Variants in NDUFS4 observed in about 807,000 individuals in gnomAD.
The protein encoded by NDUFS4 is NADH:ubiquinone oxidoreductase subunit S4, also known as NADH dehydrogenase [ubiquinone] iron-sulfur protein 4, mitochondrial.
A neutral mutation model predicts 24.3 loss-of-function variants in NDUFS4; 28 were observed. That is an observed-to-expected ratio of 1.15 (90% CI 0.85 to 1.58). NDUFS4 has a LOEUF of 1.58. Ranked by LOEUF, NDUFS4 falls within the 40% of genes most tolerant of loss-of-function variation. NDUFS4 has a pLI of 0.00. For missense variants in NDUFS4, 223 were observed against 207.9 expected, an observed-to-expected ratio of 1.07 and a Z score of -0.45; for synonymous variants, 93 against 69.7, an observed-to-expected ratio of 1.34 and a Z score of -1.67.
chr5:53,605,094 G>C (rs551267384), intron 2 of NDUFS4, among the ~76,000 whole-genome samples: 28 of 152,258 alleles, frequency 1.8e-4, no homozygotes, highest in Middle Eastern at 3.4e-3. Context: ...GGTGGCGGGT[G>C]CCTGTAATCT....
intron 1 of NDUFS4, among the ~76,000 whole-genome samples, chr5:53,580,809 CTTTCT>C (rs1225029209): frequency 1.0e-4 from 14 of 134,644 alleles, no homozygotes; most frequent in Admixed American, 3.2e-4. Context: ...CTTTCTTTCC[CTTTCT>C]TTTCTTTTCT....
intron 2 of NDUFS4, among the ~76,000 whole-genome samples, chr5:53,644,143 A>T (rs997544643): frequency 2.0e-5 from 3 of 152,142 alleles, no homozygotes; most frequent in Non-Finnish European, 4.4e-5. Context: ...AAGTTTTTTA[A>T]TCACTTTGGC....
In NDUFS4 at chr5:53,679,356, T is replaced by A. The variant is rs1477494955; in HGVS notation, c.425-3762T>A. ...TCTTCTCTGTGTATTTTTGTTTGTT[T>A]TTCACAGGGTGCTTTGCCCATCCAC... On this transcript the variant is annotated intron_variant, in intron 4 of 4. Transcript: ENST00000296684. Among the ~76,000 whole-genome samples, 3 of 152,150 alleles carry A rather than the reference T, an allele frequency of 2.0e-5. No homozygotes were observed. In the East Asian group the frequency reaches 5.8e-4, roughly 29 times the overall value.
intron 2 of NDUFS4, among the ~76,000 whole-genome samples, chr5:53,608,358 A>G (rs1293057808): frequency 6.6e-6 from 1 of 152,190 alleles, no homozygotes; most frequent in East Asian, 1.9e-4. Flanking sequence ...ATTTCTTAAA[A>G]TAAGACAACA....
chr5:53,606,637 T>C (rs1465608732), intron 2 of NDUFS4, among the ~76,000 whole-genome samples: 10 of 152,186 alleles, frequency 6.6e-5, no homozygotes, highest in African/African-American at 2.4e-4. Flanking sequence ...AGTGCTGGGA[T>C]TACAGGCATG....
chr5:53,675,482 T>G (rs1234296927), intron 4 of NDUFS4, among the ~76,000 whole-genome samples: 2 of 152,042 alleles, frequency 1.3e-5, no homozygotes, highest in Admixed American at 1.3e-4. Context: ...TAAAAAGACT[T>G]TATAATCTAA....
intron 1 of NDUFS4, among the ~76,000 whole-genome samples, chr5:53,597,792 A>G (rs1750174114): frequency 6.6e-6 from 1 of 152,208 alleles, no homozygotes; most frequent in Non-Finnish European, 1.5e-5. Context: ...TCTGTGAAAG[A>G]CACTCTAAAG....
chr5:53,626,703 C>T (rs1245361705), intron 2 of NDUFS4, among the ~76,000 whole-genome samples: 1 of 152,108 alleles, frequency 6.6e-6, no homozygotes. Context: ...CTGTTCATAT[C>T]CTTCACCCAC....
intron 3 of NDUFS4, among the ~76,000 whole-genome samples, chr5:53,653,628 C>T (rs1157853462): frequency 1.3e-5 from 2 of 152,056 alleles, no homozygotes; most frequent in East Asian, 3.8e-4. Context: ...TACTCCTTTT[C>T]CTCCCCTGCT....
At chr5:53,568,153 A>G (rs1270409481) in intron 1 of NDUFS4, among the ~76,000 whole-genome samples, 1 of 152,142 alleles carries the variant, frequency 6.6e-6, no homozygotes, top group Non-Finnish European at 1.5e-5. Flanking sequence ...AGAACTAGTT[A>G]GTTGCTCAAA....
rs1751865973 is a variant in NDUFS4 at position 53,646,410 on chromosome 5, G to A, written c.350+5G>A. The A allele has an allele frequency of 6.2e-7, 1 of 1,612,950 alleles. No homozygotes were observed. Among genetic ancestry groups the A allele is most frequent in the South Asian group, 1.1e-5 (1 of 91,026 alleles). On this transcript the variant is annotated splice_donor_5th_base_variant and intron_variant, in intron 3 of 4. Coordinates refer to ENST00000296684, the MANE Select transcript of NDUFS4 (RefSeq NM_002495.4). Reference sequence around the variant, plus strand: ...TTTGATGGGTTGGGCATCAACGTGAGTACTTTATTTTAATGTGAATATTGT... The same window carrying A: ...TTTGATGGGTTGGGCATCAACGTGAATACTTTATTTTAATGTGAATATTGT...
chr5:53,588,516 C>A (rs890068522), intron 1 of NDUFS4, among the ~76,000 whole-genome samples: 4 of 152,138 alleles, frequency 2.6e-5, no homozygotes, highest in Admixed American at 2.6e-4. Flanking sequence ...AGTGGCAGAT[C>A]TGGAATTTTC....
intron 4 of NDUFS4, among the ~76,000 whole-genome samples, chr5:53,679,872 T>C (rs1740601913): frequency 6.6e-6 from 1 of 152,106 alleles, no homozygotes; most frequent in South Asian, 2.1e-4. Flanking sequence ...GGGTTAATTT[T>C]CCAGCTATCA....
At chr5:53,657,833 G>A (rs1051085597) in intron 3 of NDUFS4, among the ~76,000 whole-genome samples, 3 of 151,414 alleles carry the variant, frequency 2.0e-5, no homozygotes, top group Admixed American at 6.6e-5. Context: ...GCTGAGGCAC[G>A]AGAATTGCTT....
chr5:53,596,387 TGTGCCACTGTACTCCAGC>T (rs1395216360), intron 1 of NDUFS4, among the ~76,000 whole-genome samples: 1 of 152,146 alleles, frequency 6.6e-6, no homozygotes, highest in Non-Finnish European at 1.5e-5. Flanking sequence ...GAGCCATGAT[TGTGCCACTGTACTCCAGC>T]GTAGGTGATA....
rs763037251 is a variant in NDUFS4 at position 53,674,556 on chromosome 5, G to A, written c.425-8562G>A. Among the ~76,000 whole-genome samples, 28 of 151,892 alleles carry A rather than the reference G, an allele frequency of 1.8e-4. 1 individual carries two copies. The highest frequency in any genetic ancestry group is 3.5e-4 in the Non-Finnish European group (24 of 67,972). On this transcript the variant is annotated intron_variant, in intron 4 of 4. Coordinates refer to ENST00000296684, the MANE Select transcript of NDUFS4 (RefSeq NM_002495.4). The stretch of plus-strand genomic sequence containing the variant: ...GGTTCACAACTAATTGATCACAACC[G>A]GTTACAGATATCATTATTCCTTTTC...
intron 1 of NDUFS4, among the ~76,000 whole-genome samples, chr5:53,595,106 C>G (rs1007007725): frequency 1.3e-5 from 2 of 152,058 alleles, no homozygotes; most frequent in African/African-American, 4.8e-5. Flanking sequence ...CTTTTGTACT[C>G]TGATCTGTAC....
chr5:53,672,318 A>G (rs922458506), intron 4 of NDUFS4, among the ~76,000 whole-genome samples: 3 of 152,178 alleles, frequency 2.0e-5, no homozygotes, highest in East Asian at 1.9e-4. Flanking sequence ...TTTTACTCAT[A>G]TAAGGGAACA....
intron 4 of NDUFS4, among the ~76,000 whole-genome samples, chr5:53,659,288 G>A (rs1388867229): frequency 6.6e-6 from 1 of 152,110 alleles, no homozygotes; most frequent in East Asian, 1.9e-4. Flanking sequence ...ATTTTCTGCT[G>A]TTAAGCCAAC....
Sources: allele counts gnomAD v4.1 joint callset (sites outside exome capture counted in the v4.1 genomes callset), GRCh38; gene constraint gnomAD v4.1.1; transcripts MANE v1.5; gene names NCBI Gene and HGNC (gene_info 2026-07-23, HGNC 2026-07-21).